The following SNX24 variants were observed in gnomAD, a reference collection of about 807,000 sequenced individuals.
The protein encoded by SNX24 is sorting nexin-24.
A neutral mutation model predicts 28.7 loss-of-function variants in SNX24; 22 were observed. The ratio of observed to expected loss-of-function variants is 0.77; its 90% CI spans 0.55 to 1.10. SNX24 has a LOEUF of 1.10. Ranked by LOEUF, SNX24 falls within the 50% of genes least tolerant of loss-of-function variation. The pLI, the probability that SNX24 is intolerant of heterozygous loss-of-function variation, is 0.00. For missense variants in SNX24, 221 were observed against 201.1 expected (o/e 1.10, Z -0.60); for synonymous variants, 69 against 71.5 (o/e 0.96, Z 0.18).
downstream of SNX24, among the ~76,000 whole-genome samples, chr5:123,010,789 G>A (rs1489851455): frequency 6.6e-6 from 1 of 151,848 alleles, no homozygotes; most frequent in Non-Finnish European, 1.5e-5. Context: ...TATGTTTAGT[G>A]TACATATATT....
At chr5:122,869,987 G>A (rs1755901242) in intron 1 of SNX24, among the ~76,000 whole-genome samples, 1 of 151,636 alleles carries the variant, frequency 6.6e-6, no homozygotes, top group Admixed American at 6.6e-5. Flanking sequence ...CCATTCATTA[G>A]TAGTACAAAG....
At chr5:122,947,155 A>G (rs1246802706) in intron 3 of SNX24, among the ~76,000 whole-genome samples, 1 of 152,206 alleles carries the variant, frequency 6.6e-6, no homozygotes, top group Non-Finnish European at 1.5e-5. Context: ...CGTTACATCA[A>G]ACAAATCAGC....
intron 1 of SNX24, among the ~76,000 whole-genome samples, chr5:122,856,754 G>A (rs1755212181): frequency 6.6e-6 from 1 of 151,996 alleles, no homozygotes; most frequent in Non-Finnish European, 1.5e-5. Context: ...GACCTCAAGT[G>A]ATCTGCCCAC....
intron 3 of SNX24, among the ~76,000 whole-genome samples, chr5:122,961,477 T>C (rs1306278133): frequency 6.6e-6 from 1 of 152,228 alleles, no homozygotes; most frequent in Admixed American, 6.5e-5. Flanking sequence ...AACTGTTCTT[T>C]GTTCTTGTTA....
chr5:122,854,367 G>T (rs1253426449), intron 1 of SNX24, among the ~76,000 whole-genome samples: 1 of 151,970 alleles, frequency 6.6e-6, no homozygotes, highest in East Asian at 1.9e-4. Context: ...AATTAGCTGG[G>T]CGTGGTGGCG....
intron 1 of SNX24, among the ~76,000 whole-genome samples, chr5:122,861,350 C>CA (rs1474371705): frequency 6.6e-6 from 1 of 151,892 alleles, no homozygotes; most frequent in Non-Finnish European, 1.5e-5. Context: ...CCACCCCTCC[C>CA]AAAAAAAGAA....
At chr5:122,986,212 G>A (rs1761597150) in intron 3 of SNX24, among the ~76,000 whole-genome samples, 1 of 152,168 alleles carries the variant, frequency 6.6e-6, no homozygotes, top group African/African-American at 2.4e-5. Flanking sequence ...TGGACATTTT[G>A]AATTGCAGAT....
intron 6 of SNX24, among the ~76,000 whole-genome samples, chr5:123,004,183 T>C (rs923635693): frequency 2.6e-5 from 4 of 152,204 alleles, no homozygotes; most frequent in Non-Finnish European, 4.4e-5. Flanking sequence ...AGCATTATCC[T>C]CTTATAAAAT....
chr5:122,888,153 C>T (rs1756797409), intron 1 of SNX24, among the ~76,000 whole-genome samples: 1 of 151,610 alleles, frequency 6.6e-6, no homozygotes, highest in Non-Finnish European at 1.5e-5. Flanking sequence ...TTACATTTTT[C>T]AGTTCTATTA....
intron 1 of SNX24, among the ~76,000 whole-genome samples, chr5:122,904,190 C>A (rs1302037064): frequency 6.8e-6 from 1 of 147,864 alleles, no homozygotes; most frequent in Non-Finnish European, 1.5e-5. Context: ...TTTTTGTTTT[C>A]TTTTTTTTTG....
At chr5:122,868,803 C>T (rs1020582246) in intron 1 of SNX24, among the ~76,000 whole-genome samples, 2 of 152,032 alleles carry the variant, frequency 1.3e-5, no homozygotes, top group African/African-American at 4.8e-5. Context: ...ATTAAATCTG[C>T]GTCTCATCCA....
At chr5:122,995,579 C>G (rs1295198259) in intron 3 of SNX24, among the ~76,000 whole-genome samples, 1 of 152,086 alleles carries the variant, frequency 6.6e-6, no homozygotes, top group Non-Finnish European at 1.5e-5. Context: ...AATTTGAGAC[C>G]CATGATTCTC....
At chr5:122,866,593 T>G (rs558365244) in intron 1 of SNX24, among the ~76,000 whole-genome samples, 1 of 152,206 alleles carries the variant, frequency 6.6e-6, no homozygotes, top group African/African-American at 2.4e-5. Flanking sequence ...CCTGCCTGAA[T>G]TGGGTTGCTG....
chr5:122,970,073 G>A (rs1048844157), intron 3 of SNX24, among the ~76,000 whole-genome samples: 2 of 151,630 alleles, frequency 1.3e-5, no homozygotes, highest in Non-Finnish European at 2.9e-5. Context: ...GTTTGTCCTC[G>A]CCGCTGCCGT....
intron 1 of SNX24, among the ~76,000 whole-genome samples, chr5:122,929,579 C>T (rs530813392): frequency 1.2e-4 from 18 of 152,110 alleles, no homozygotes; most frequent in Middle Eastern, 3.4e-3. Context: ...ACATTTGGTC[C>T]GCTTTGTATT....
intron 3 of SNX24, among the ~76,000 whole-genome samples, chr5:122,964,942 G>A (rs995902032): frequency 2.0e-5 from 3 of 152,090 alleles, no homozygotes; most frequent in African/African-American, 7.2e-5. Context: ...AATTTTTTAG[G>A]TTGTTTCTAG....
chr5:122,987,942 A>G (rs2150162607), intron 3 of SNX24, among the ~76,000 whole-genome samples: 1 of 152,348 alleles, frequency 6.6e-6, no homozygotes, highest in Middle Eastern at 3.4e-3. Context: ...TATAAAATAC[A>G]AGCTTTTTAA....
At chr5:122,881,721 T>C (rs111922649) in intron 1 of SNX24, among the ~76,000 whole-genome samples, 7 of 149,932 alleles carry the variant, frequency 4.7e-5, no homozygotes, top group Non-Finnish European at 8.9e-5. Flanking sequence ...CATAAAATTA[T>C]ATAATTAGGT....
intron 3 of SNX24, among the ~76,000 whole-genome samples, chr5:122,995,979 GTTTTGTTAA>G (rs1385469912): frequency 1.3e-5 from 2 of 152,148 alleles, no homozygotes; most frequent in Non-Finnish European, 2.9e-5. Flanking sequence ...TTTCCTTAAT[GTTTTGTTAA>G]TTTTGGGAGC....
Sources: gnomAD v4.1 joint callset for allele counts (sites outside exome capture counted in the v4.1 genomes callset) on GRCh38, gnomAD v4.1.1 for gene constraint, MANE v1.5 for transcripts, NCBI Gene and HGNC (gene_info 2026-07-23, HGNC 2026-07-21) for gene names.